The following PRKCA variants were observed in gnomAD, a reference collection of about 807,000 sequenced individuals.
The protein encoded by PRKCA is protein kinase C alpha type.
Under a neutral mutation model 87.0 loss-of-function variants are expected in PRKCA, and 27 were observed. The observed-to-expected ratio is 0.31, with a 90% confidence interval of 0.23 to 0.43. The LOEUF (loss-of-function observed/expected upper bound fraction) is 0.43. PRKCA is among the 20% of genes least tolerant of loss of function. The pLI is 1.00. For missense variants in PRKCA, 518 were observed against 852.3 expected (o/e 0.61, Z 4.88); for synonymous variants, 329 against 311.1 (o/e 1.06, Z -0.61).
At chr17:66,380,290 A>C (rs1909706692) in intron 2 of PRKCA, among the ~76,000 whole-genome samples, 1 of 152,016 alleles carries the variant, frequency 6.6e-6, no homozygotes, top group Non-Finnish European at 1.5e-5. Context: ...CCATACATAC[A>C]TATGTTCGGA....
intron 2 of PRKCA, among the ~76,000 whole-genome samples, chr17:66,431,322 T>C (rs1913088580): frequency 6.6e-6 from 1 of 152,106 alleles, no homozygotes; most frequent in Non-Finnish European, 1.5e-5. Context: ...TGCAAATGAG[T>C]TCAGTGCAGC....
intron 1 of PRKCA, among the ~76,000 whole-genome samples, chr17:66,303,290 G>A (rs926188720): frequency 1.3e-5 from 2 of 152,266 alleles, no homozygotes; most frequent in African/African-American, 4.8e-5. Context: ...CCCTCTCCGG[G>A]CCGGGCCCCT....
At chr17:66,497,094 A>G (rs929236412) in intron 3 of PRKCA, among the ~76,000 whole-genome samples, 2 of 152,202 alleles carry the variant, frequency 1.3e-5, no homozygotes, top group Non-Finnish European at 2.9e-5. Flanking sequence ...ATAATTTAGC[A>G]TCTGTTTCAC....
intron 3 of PRKCA, among the ~76,000 whole-genome samples, chr17:66,514,815 C>A (rs1966913422): frequency 2.7e-5 from 4 of 148,850 alleles, no homozygotes; most frequent in Admixed American, 2.6e-4. Flanking sequence ...CCAGCAGTTT[C>A]CATTTACATC....
At chr17:66,392,798 AG>A (rs1161518054) in intron 2 of PRKCA, among the ~76,000 whole-genome samples, 1 of 152,242 alleles carries the variant, frequency 6.6e-6, no homozygotes, top group Non-Finnish European at 1.5e-5. Context: ...AAGAAAGTAT[AG>A]GCCATTCTAA....
At chr17:66,602,663 C>T (rs1314020816) in intron 3 of PRKCA, among the ~76,000 whole-genome samples, 1 of 152,230 alleles carries the variant, frequency 6.6e-6, no homozygotes, top group East Asian at 1.9e-4. Context: ...GTAGTATAGC[C>T]ACTGTAGAAT....
At chr17:66,594,100 A>C (rs1421473919) in intron 3 of PRKCA, among the ~76,000 whole-genome samples, 3 of 152,174 alleles carry the variant, frequency 2.0e-5, no homozygotes, top group African/African-American at 7.2e-5. Flanking sequence ...AAAAAGAGTA[A>C]ATCTATCCCA....
chr17:66,664,024 C>T (rs867620599), intron 5 of PRKCA, among the ~76,000 whole-genome samples: 1 of 152,000 alleles, frequency 6.6e-6, no homozygotes, highest in Non-Finnish European at 1.5e-5. Flanking sequence ...CATGCCACCA[C>T]GCCCTGCTAA....
rs539671158 is a variant in PRKCA at position 66,741,571 on chromosome 17, C to T, written c.1323-88C>T. 40 of 1,426,896 alleles carry T rather than the reference C, an allele frequency of 2.8e-5. No homozygotes were observed. The East Asian group carries it at 8.9e-4, about 32-fold the overall frequency. The allele number at this position is 1,426,896 out of a possible 1,614,324, so 88.4% of individuals were successfully genotyped here. A position where few individuals can be genotyped will look rare whatever the true frequency, so the allele number is the denominator to read the frequency against. On this transcript the variant is annotated intron_variant, in intron 11 of 16. Coordinates refer to ENST00000413366, the MANE Select transcript of PRKCA (RefSeq NM_002737.3). Reference sequence around the variant, plus strand: ...GAGCCTCTGGGTCTGACATTCTTTTCTCTCTTTGATGCTTGAATTTGAGAA... The same window carrying T: ...GAGCCTCTGGGTCTGACATTCTTTTTTCTCTTTGATGCTTGAATTTGAGAA...
chr17:66,588,287 A>G (rs1969683206), intron 3 of PRKCA, among the ~76,000 whole-genome samples: 1 of 151,902 alleles, frequency 6.6e-6, no homozygotes, highest in Non-Finnish European at 1.5e-5. Context: ...TATCTCTAGC[A>G]CCTTTTTCCT....
intron 5 of PRKCA, among the ~76,000 whole-genome samples, 166 bp from the exon 6 acceptor site, chr17:66,686,945 C>T (rs559285699): frequency 2.5e-4 from 38 of 152,292 alleles, no homozygotes; most frequent in Admixed American, 1.3e-3. Flanking sequence ...GTGGTGGCAG[C>T]GGGTAGCTTT....
chr17:66,368,362 A>ATATGTGTGTGTGTGTGTG, intron 2 of PRKCA, among the ~76,000 whole-genome samples: 1 of 40,140 alleles, frequency 2.5e-5, no homozygotes, highest in South Asian at 1.2e-3. Context: ...GTGTGTGTAT[A>ATATGTGTGTGTGTGTGTG]TGTATATATA....
At chr17:66,746,154 CTTTTTTTTTTT>C (rs56319847) in intron 13 of PRKCA, among the ~76,000 whole-genome samples, 26 of 64,232 alleles carry the variant, frequency 4.0e-4, no homozygotes, top group Non-Finnish European at 6.2e-4. Flanking sequence ...TGTTGCCTTG[CTTTTTTTTTTT>C]TTTTTTTTTT....
At chr17:66,453,103 C>G (rs1452844915) in intron 2 of PRKCA, among the ~76,000 whole-genome samples, 1 of 152,126 alleles carries the variant, frequency 6.6e-6, no homozygotes, top group Admixed American at 6.6e-5. Context: ...GCCCTCATTC[C>G]CCTCACTTCC....
At chr17:66,795,793 C>CA (rs1206218716) in intron 16 of PRKCA, among the ~76,000 whole-genome samples, 2 of 152,148 alleles carry the variant, frequency 1.3e-5, no homozygotes, top group Non-Finnish European at 2.9e-5. Flanking sequence ...TAAATCTGGC[C>CA]ATTAACATAA....
intron 2 of PRKCA, among the ~76,000 whole-genome samples, chr17:66,452,796 G>A (rs778116514): frequency 1.3e-5 from 2 of 152,150 alleles, no homozygotes; most frequent in Non-Finnish European, 2.9e-5. Context: ...CCTGGGAGGC[G>A]GAGCATGCAG....
In PRKCA at chr17:66,709,301, CTTTTTTTTTTTT is replaced by C. The variant is rs552633887; in HGVS notation, c.918+20270_918+20281del. 4.0e-4 allele frequency among the ~76,000 whole-genome samples: 34 copies of C among 84,910 alleles called. 1 individual carries two copies. The highest frequency in any genetic ancestry group is 1.6e-3 in the African/African-American group (33 of 20,642). The allele number at this position is 84,910 out of a possible 152,430, so 55.7% of individuals were successfully genotyped here. On this transcript the variant is annotated intron_variant, in intron 8 of 16. Coordinates refer to ENST00000413366, the MANE Select transcript of PRKCA (RefSeq NM_002737.3). ...AGAGAAGTCTCTTTTGAGATGATTTCTTTTTTTTTTTTTTTTTTTTTTTTTTTGAGATAGAGT... is the reference window on the plus strand; with the variant it reads ...AGAGAAGTCTCTTTTGAGATGATTTCTTTTTTTTTTTTTTTGAGATAGAGT...
At chr17:66,756,789 G>A (rs1211474043) in intron 13 of PRKCA, among the ~76,000 whole-genome samples, 19 of 152,086 alleles carry the variant, frequency 1.2e-4, no homozygotes, top group Admixed American at 1.2e-3. Context: ...AGCTTCCCAA[G>A]TAGCTGGGAT....
At chr17:66,490,581 TTTTG>T (rs1428863245) in intron 2 of PRKCA, among the ~76,000 whole-genome samples, 3 of 151,488 alleles carry the variant, frequency 2.0e-5, no homozygotes, top group Admixed American at 2.0e-4. Flanking sequence ...CCTGTTTTCT[TTTTG>T]TTTTTTTTGA....
Sources: gnomAD v4.1 joint callset for allele counts (sites outside exome capture counted in the v4.1 genomes callset) on GRCh38, gnomAD v4.1.1 for gene constraint, MANE v1.5 for transcripts, NCBI Gene and HGNC (gene_info 2026-07-23, HGNC 2026-07-21) for gene names.